Variants in DLG2 observed in about 807,000 individuals in gnomAD.
DLG2 encodes disks large homolog 2.
A neutral mutation model predicts 132.5 loss-of-function variants in DLG2; 45 were observed. That is an observed-to-expected ratio of 0.34 (90% CI 0.27 to 0.44). The LOEUF (loss-of-function observed/expected upper bound fraction) is 0.44, where lower values mean the gene tolerates loss of function less well. Ranked by LOEUF, DLG2 falls within the 20% of genes least tolerant of loss-of-function variation. DLG2 has a pLI of 1.00. For missense variants in DLG2, 1,045 were observed against 1,196.9 expected, an observed-to-expected ratio of 0.87 and a Z score of 1.87; for synonymous variants, 424 against 419.6, an observed-to-expected ratio of 1.01 and a Z score of -0.13.
chr11:84,110,941 G>A (rs1334702765), intron 9 of DLG2, among the ~76,000 whole-genome samples: 1 of 152,164 alleles, frequency 6.6e-6, no homozygotes, highest in Non-Finnish European at 1.5e-5. Flanking sequence ...ACTTTCTTCT[G>A]TGTAGATTTA....
chr11:83,722,665 G>T (rs1370312478), intron 18 of DLG2, among the ~76,000 whole-genome samples: 1 of 152,186 alleles, frequency 6.6e-6, no homozygotes, highest in Non-Finnish European at 1.5e-5. Flanking sequence ...ACAGGTTCAA[G>T]TTCCTTCTCA....
At chr11:84,499,802 G>T (rs1409287904) in intron 7 of DLG2, among the ~76,000 whole-genome samples, 1 of 151,358 alleles carries the variant, frequency 6.6e-6, no homozygotes, top group Non-Finnish European at 1.5e-5. Context: ...CTCACACATA[G>T]ATTAAGCACT....
At chr11:83,484,400 A>AAAT (rs1555086136) in intron 21 of DLG2, among the ~76,000 whole-genome samples, 172 bp from the exon 22 acceptor site, 1 of 152,148 alleles carries the variant, frequency 6.6e-6, no homozygotes, top group Non-Finnish European at 1.5e-5. Context: ...CAAGGAGTAT[A>AAAT]AATTCTGAAT....
At chr11:84,957,180 T>C (rs914655257) in intron 6 of DLG2, among the ~76,000 whole-genome samples, 2 of 152,154 alleles carry the variant, frequency 1.3e-5, no homozygotes, top group South Asian at 4.1e-4. Flanking sequence ...CAAGATCACA[T>C]GGGACAGGAC....
intron 6 of DLG2, among the ~76,000 whole-genome samples, chr11:84,655,207 C>A (rs1470772540): frequency 6.6e-6 from 1 of 152,098 alleles, no homozygotes; most frequent in African/African-American, 2.4e-5. Context: ...TCTATTTCCT[C>A]CCGTCCCATT....
At chr11:83,540,816 T>C (rs1355157019) in intron 20 of DLG2, among the ~76,000 whole-genome samples, 1 of 152,212 alleles carries the variant, frequency 6.6e-6, no homozygotes, top group African/African-American at 2.4e-5. Context: ...TGCCTGCTTT[T>C]ATTAAGCATA....
chr11:85,493,003 CT>C (rs1384368062), intron 3 of DLG2, among the ~76,000 whole-genome samples: 1 of 151,146 alleles, frequency 6.6e-6, no homozygotes, highest in Non-Finnish European at 1.5e-5. Flanking sequence ...ATACTCCAAG[CT>C]ATAAAAAAAA....
At chr11:83,979,881 C>A (rs2092630263) in intron 12 of DLG2, among the ~76,000 whole-genome samples, 1 of 152,246 alleles carries the variant, frequency 6.6e-6, no homozygotes, top group African/African-American at 2.4e-5. Flanking sequence ...TAATAGGAGA[C>A]ACATTATGTT....
At position 85,342,128 on chromosome 11, in the gene DLG2, T is replaced by C. The variant is rs533788096; in HGVS notation, c.41-56763A>G. On this transcript the variant is annotated intron_variant, in intron 3 of 27. Coordinates refer to ENST00000376104, the MANE Select transcript of DLG2 (RefSeq NM_001142699.3). ...TACACTAAATTTATATTTAAAATAC[T>C]TTTATTTCTTCAATAATTACATTAG... Among the ~76,000 whole-genome samples the C allele has an allele frequency of 2.0e-5, 3 of 152,326 alleles. No homozygotes were observed. The South Asian group carries it at 6.2e-4, about 32-fold the overall frequency.
chr11:84,526,870 C>G (rs986425540), intron 7 of DLG2, among the ~76,000 whole-genome samples: 2 of 151,218 alleles, frequency 1.3e-5, no homozygotes, highest in Admixed American at 1.3e-4. Context: ...GCTCCGCCTC[C>G]CGGGTTCACG....
chr11:83,522,055 C>T (rs960203283), intron 21 of DLG2, among the ~76,000 whole-genome samples: 2 of 152,214 alleles, frequency 1.3e-5, no homozygotes, highest in African/African-American at 4.8e-5. Context: ...AACCTTACCA[C>T]TGCCCCATTG....
chr11:84,421,679 C>T (rs1480315659), intron 7 of DLG2, among the ~76,000 whole-genome samples: 6 of 152,162 alleles, frequency 3.9e-5, no homozygotes, highest in Admixed American at 3.9e-4. Context: ...ATAATTCGTA[C>T]TATTTAGATA....
chr11:84,715,431 A>G (rs2061108828), intron 6 of DLG2, among the ~76,000 whole-genome samples: 1 of 152,094 alleles, frequency 6.6e-6, no homozygotes, highest in Non-Finnish European at 1.5e-5. Context: ...TTTCTGGTAT[A>G]CAATCCAATA....
At chr11:84,638,857 T>C (rs919936140) in intron 6 of DLG2, among the ~76,000 whole-genome samples, 1 of 152,174 alleles carries the variant, frequency 6.6e-6, no homozygotes, top group Non-Finnish European at 1.5e-5. Flanking sequence ...ACTGCATTCA[T>C]AGAATTCCAG....
chr11:83,699,740 T>G (rs1251016687), intron 18 of DLG2, among the ~76,000 whole-genome samples: 2 of 147,894 alleles, frequency 1.4e-5, no homozygotes, highest in Non-Finnish European at 3.0e-5. Flanking sequence ...TTAAAAATAA[T>G]AATAATAATA....
chr11:85,167,489 G>A (rs1475365828), intron 4 of DLG2, among the ~76,000 whole-genome samples: 1 of 152,108 alleles, frequency 6.6e-6, no homozygotes, highest in African/African-American at 2.4e-5. Flanking sequence ...CCGTCACCCT[G>A]AAGCAAGTGA....
chr11:84,314,941 G>A (rs576771010), intron 7 of DLG2, among the ~76,000 whole-genome samples: 54 of 152,274 alleles, frequency 3.5e-4, no homozygotes, highest in African/African-American at 1.2e-3. Context: ...GAAGGTTCTG[G>A]TAAGTGAAAA....
At chr11:84,896,172 T>C (rs2090160718) in intron 6 of DLG2, among the ~76,000 whole-genome samples, 1 of 152,118 alleles carries the variant, frequency 6.6e-6, no homozygotes, top group Non-Finnish European at 1.5e-5. Context: ...TGTAGACTTC[T>C]ATTTCAATGC....
chr11:84,498,776 C>A (rs1254951971), intron 7 of DLG2, among the ~76,000 whole-genome samples: 2 of 152,120 alleles, frequency 1.3e-5, no homozygotes, highest in African/African-American at 4.8e-5. Flanking sequence ...TCTTAATCCC[C>A]ACATGTCAGG....
Sources: gnomAD v4.1 joint callset for allele counts (sites outside exome capture counted in the v4.1 genomes callset) on GRCh38, gnomAD v4.1.1 for gene constraint, MANE v1.5 for transcripts, NCBI Gene and HGNC (gene_info 2026-07-23, HGNC 2026-07-21) for gene names.